MYOCD: variants seen among roughly 807,000 people sequenced by gnomAD.
The protein encoded by MYOCD is myocardin.
Under a neutral mutation model 96.1 loss-of-function variants are expected in MYOCD, and 32 were observed. The observed-to-expected ratio is 0.33, with a 90% confidence interval of 0.25 to 0.45. MYOCD has a LOEUF of 0.45. Among genes scored for constraint, MYOCD ranks in the 20% least tolerant of loss-of-function variants. The probability of loss-of-function intolerance (pLI) is 1.00; values close to 1 mark genes in which losing one functional copy is unlikely to be tolerated. For synonymous variants in MYOCD, 469 were observed against 469.0 expected, an observed-to-expected ratio of 1.00 and a Z score of 0.00; for missense variants, 1,133 against 1,200.6, an observed-to-expected ratio of 0.94 and a Z score of 0.83.
intron 1 of MYOCD, among the ~76,000 whole-genome samples, chr17:12,686,646 C>T (rs1567571911): frequency 6.6e-6 from 1 of 152,198 alleles, no homozygotes; most frequent in African/African-American, 2.4e-5. Flanking sequence ...GTACAAGCAG[C>T]ATCATGGGTC....
chr17:12,757,002 A>G (rs1166193363), intron 11 of MYOCD, among the ~76,000 whole-genome samples: 1 of 152,204 alleles, frequency 6.6e-6, no homozygotes, highest in Non-Finnish European at 1.5e-5. Flanking sequence ...TAAAATGGCC[A>G]TATGTTTGCA....
At chr17:12,743,790 C>T (rs1014126990) in intron 7 of MYOCD, among the ~76,000 whole-genome samples, 4 of 152,128 alleles carry the variant, frequency 2.6e-5, no homozygotes, top group African/African-American at 9.7e-5. Flanking sequence ...TGAGCCATCG[C>T]TCCCAGCCAT....
chr17:12,677,475 G>A (rs1031350710), intron 1 of MYOCD, among the ~76,000 whole-genome samples: 2 of 151,954 alleles, frequency 1.3e-5, no homozygotes, highest in Non-Finnish European at 2.9e-5. Context: ...CACTTTGGGA[G>A]GCCAAGATGG....
intron 1 of MYOCD, among the ~76,000 whole-genome samples, chr17:12,689,951 A>G (rs931650834): frequency 6.6e-6 from 1 of 152,242 alleles, no homozygotes; most frequent in African/African-American, 2.4e-5. Flanking sequence ...ATATAAGGAC[A>G]TTTCAGTGAT....
intron 1 of MYOCD, among the ~76,000 whole-genome samples, chr17:12,698,315 A>C (rs2030878133): frequency 6.6e-6 from 1 of 152,202 alleles, no homozygotes; most frequent in South Asian, 2.1e-4. Context: ...TAAAAGTCAT[A>C]AGCCAGTCCA....
chr17:12,699,012 G>T (rs2030926678), intron 1 of MYOCD, among the ~76,000 whole-genome samples: 1 of 151,732 alleles, frequency 6.6e-6, no homozygotes, highest in Non-Finnish European at 1.5e-5. Context: ...AAAGTGCTGG[G>T]ATTACAGGCG....
chr17:12,763,670 A>T lies in MYOCD; in HGVS notation c.*26A>T. On this transcript the variant is annotated 3_prime_UTR_variant, in exon 14 of 14. Coordinates refer to ENST00000425538, the MANE Select transcript of MYOCD (RefSeq NM_001146312.3). ...AATGCCCAATGCACCAGTGCTATGG[A>T]AGACCAATGGAGTTCCATGGGGGAA... 1 of 1,576,176 alleles carries T rather than the reference A, an allele frequency of 6.3e-7. No homozygotes were observed. The highest frequency in any genetic ancestry group is 8.6e-7 in the Non-Finnish European group (1 of 1,157,060).
In MYOCD at chr17:12,756,651, G is replaced by A. The variant is rs1322393044; in HGVS notation, c.2202+94G>A. On this transcript the variant is annotated intron_variant, in intron 11 of 13. Coordinates refer to ENST00000425538, the MANE Select transcript of MYOCD (RefSeq NM_001146312.3). Reference sequence around the variant, plus strand: ...GCAGAAGTTGCAGTGAGCCGAGATCGCACCACTGCACTCCAGCCCAGGTGA... The same window carrying A: ...GCAGAAGTTGCAGTGAGCCGAGATCACACCACTGCACTCCAGCCCAGGTGA... 1.6e-5 allele frequency: 16 copies of A among 1,000,214 alleles called. No individual in the cohort carries two copies. The Admixed American group carries it at 1.8e-4, about 11-fold the overall frequency. 62.0% of individuals were successfully genotyped at this position (1,000,214 alleles called of 1,614,324 possible). A position where few individuals can be genotyped will look rare whatever the true frequency, so the allele number is the denominator to read the frequency against.
intron 1 of MYOCD, among the ~76,000 whole-genome samples, chr17:12,668,453 G>A (rs72811261): frequency 6.6e-6 from 1 of 152,154 alleles, no homozygotes; most frequent in Admixed American, 6.5e-5. Flanking sequence ...TTATAGGTGA[G>A]CAGATAACTG....
At chr17:12,689,920 T>C (rs1290273552) in intron 1 of MYOCD, among the ~76,000 whole-genome samples, 2 of 152,146 alleles carry the variant, frequency 1.3e-5, no homozygotes, top group African/African-American at 4.8e-5. Flanking sequence ...TAAATGCAAA[T>C]GTAAAAACCA....
chr17:12,755,582 A>G (rs765051150), intron 10 of MYOCD, among the ~76,000 whole-genome samples: 2 of 152,160 alleles, frequency 1.3e-5, no homozygotes, highest in African/African-American at 2.4e-5. Flanking sequence ...TTCTACTAAA[A>G]ATACAAAAAT....
At chr17:12,676,245 G>A (rs1025259478) in intron 1 of MYOCD, among the ~76,000 whole-genome samples, 3 of 145,584 alleles carry the variant, frequency 2.1e-5, no homozygotes, top group African/African-American at 7.5e-5. Flanking sequence ...GCGCGCGCAC[G>A]CACACACACA....
intron 6 of MYOCD, 55 bp from the exon 7 acceptor site, chr17:12,739,148 G>A: frequency 6.4e-7 from 1 of 1,552,294 alleles, no homozygotes; most frequent in Non-Finnish European, 8.7e-7. Context: ...TAACATTTCT[G>A]TGTCACACAA....
intron 5 of MYOCD, among the ~76,000 whole-genome samples, chr17:12,726,109 C>T (rs2031991126): frequency 6.6e-6 from 1 of 152,134 alleles, no homozygotes; most frequent in South Asian, 2.1e-4. Flanking sequence ...CACAAAACTT[C>T]AACAGCTTAA....
chr17:12,686,799 G>C (rs752460280), intron 1 of MYOCD, among the ~76,000 whole-genome samples: 18 of 152,170 alleles, frequency 1.2e-4, no homozygotes, highest in Non-Finnish European at 2.2e-4. Context: ...TGATGGAAAG[G>C]GAAGGGTTCC....
chr17:12,743,996 T>C (rs750869244), intron 7 of MYOCD, among the ~76,000 whole-genome samples, 187 bp from the exon 8 acceptor site: 1 of 152,224 alleles, frequency 6.6e-6, no homozygotes, highest in African/African-American at 2.4e-5. Context: ...GTGATACATT[T>C]GCAATGGATT....
At chr17:12,736,039 C>G in intron 5 of MYOCD, 122 bp from the exon 6 acceptor site, 1 of 875,108 alleles carries the variant, frequency 1.1e-6, no homozygotes, top group Non-Finnish European at 1.8e-6. Flanking sequence ...CTTACCTAAA[C>G]TTAAAACAAA....
intron 5 of MYOCD, among the ~76,000 whole-genome samples, chr17:12,731,842 C>G (rs911762522): frequency 6.6e-6 from 1 of 152,206 alleles, no homozygotes; most frequent in Non-Finnish European, 1.5e-5. Flanking sequence ...TACAGGAGCC[C>G]CTCCACTGTT....
intron 1 of MYOCD, among the ~76,000 whole-genome samples, chr17:12,676,074 ATAG>A (rs1283519341): frequency 6.6e-6 from 1 of 152,136 alleles, no homozygotes; most frequent in African/African-American, 2.4e-5. Context: ...TGACATCCTA[ATAG>A]TGGTGGGGAA....
Sources: gnomAD v4.1 joint callset for allele counts (sites outside exome capture counted in the v4.1 genomes callset) on GRCh38, gnomAD v4.1.1 for gene constraint, MANE v1.5 for transcripts, NCBI Gene and HGNC (gene_info 2026-07-23, HGNC 2026-07-21) for gene names.